Variants in PABPC4L observed in about 807,000 individuals in gnomAD.
PABPC4L encodes polyadenylate-binding protein 4-like.
For missense variants in PABPC4L, 452 were observed against 451.4 expected, an observed-to-expected ratio of 1.00 and a Z score of -0.01; for synonymous variants, 169 against 164.1, an observed-to-expected ratio of 1.03 and a Z score of -0.23.
downstream of PABPC4L, among the ~76,000 whole-genome samples, chr4:134,191,767 A>G (rs552880992): frequency 6.6e-6 from 1 of 152,072 alleles, no homozygotes; most frequent in South Asian, 2.1e-4. Context: ...TATTTATATT[A>G]AAAAAGAGGA....
At chr4:134,037,039 A>G in the PABPC4L span, among the ~76,000 whole-genome samples, 1 of 134,524 alleles carries the variant, frequency 7.4e-6, no homozygotes, top group Admixed American at 7.5e-5. Context: ...CTGGGGGACA[A>G]GAGCAAAACT....
rs1396239519 is a variant in PABPC4L, at chr4:134,200,536, G to A, written c.484C>T (p.Leu162Phe). ...RAIEEMNGKL[L>F]KGCKVFVGRF... ...CCAACAAACACCTTGCAGCCCTTGA[G>A]TAGTTTTCCATTCATCTCCTCAATG... The change falls in exon 2 of 2, where the codon CTC becomes TTC. Residue 162 changes from leucine to phenylalanine, a missense_variant. Transcript: ENST00000421491. 10 of 1,551,602 alleles carry A rather than the reference G, an allele frequency of 6.4e-6. No homozygotes were observed. Among genetic ancestry groups the A allele is most frequent in the Non-Finnish European group, 7.0e-6 (8 of 1,146,978 alleles).
At chr4:134,005,102 A>G in the PABPC4L span, among the ~76,000 whole-genome samples, 1 of 151,920 alleles carries the variant, frequency 6.6e-6, no homozygotes. Flanking sequence ...AGTAGATTTT[A>G]AATAATCTCA....
the PABPC4L span, among the ~76,000 whole-genome samples, chr4:133,968,795 G>A: frequency 1.3e-5 from 2 of 152,258 alleles, no homozygotes; most frequent in Admixed American, 1.3e-4. Context: ...TAAAGACATA[G>A]GTGATTTGAC....
the PABPC4L span, among the ~76,000 whole-genome samples, chr4:133,959,230 A>G: frequency 5.3e-5 from 8 of 152,254 alleles, no homozygotes; most frequent in Admixed American, 4.6e-4. Context: ...AGAGGACACA[A>G]TCTGAAGTTT....
chr4:134,141,861 C>A, the PABPC4L span, among the ~76,000 whole-genome samples: 8 of 151,600 alleles, frequency 5.3e-5, no homozygotes, highest in African/African-American at 1.9e-4. Flanking sequence ...GTACTGCTAA[C>A]TAGGTCTGAT....
At chr4:134,069,882 G>C in the PABPC4L span, among the ~76,000 whole-genome samples, 1 of 151,664 alleles carries the variant, frequency 6.6e-6, no homozygotes, top group South Asian at 2.1e-4. Context: ...TATATGGAGG[G>C]AATAAGACAT....
chr4:134,173,871 A>C, the PABPC4L span, among the ~76,000 whole-genome samples: 1 of 152,086 alleles, frequency 6.6e-6, no homozygotes, highest in African/African-American at 2.4e-5. Context: ...TTAAAAATAA[A>C]ATGTTTTTAT....
At chr4:133,965,379 T>C in the PABPC4L span, among the ~76,000 whole-genome samples, 26,993 of 151,980 alleles carry the variant, frequency 0.18, 3,043 homozygotes, top group Middle Eastern at 0.25. Context: ...AATAGTGTGA[T>C]AATGACCATA....
the PABPC4L span, among the ~76,000 whole-genome samples, chr4:134,013,030 G>C: frequency 6.6e-6 from 1 of 152,202 alleles, no homozygotes; most frequent in East Asian, 1.9e-4. Context: ...TTTCAGGGGT[G>C]TCAGACCACA....
At chr4:133,977,695 G>A in the PABPC4L span, among the ~76,000 whole-genome samples, 1 of 152,020 alleles carries the variant, frequency 6.6e-6, no homozygotes, top group Admixed American at 6.6e-5. Context: ...AATCTTGATG[G>A]ATTTTGTAGA....
chr4:134,014,541 C>T, the PABPC4L span, among the ~76,000 whole-genome samples: 4 of 152,224 alleles, frequency 2.6e-5, no homozygotes, highest in Non-Finnish European at 4.4e-5. Context: ...CACTGGAAAT[C>T]GGACTGTTCA....
chr4:133,975,739 T>C, the PABPC4L span, among the ~76,000 whole-genome samples: 1 of 152,098 alleles, frequency 6.6e-6, no homozygotes, highest in Non-Finnish European at 1.5e-5. Context: ...ACATAGTGAA[T>C]CCACTGTATC....
chr4:134,007,728 G>A, the PABPC4L span, among the ~76,000 whole-genome samples: 1 of 151,382 alleles, frequency 6.6e-6, no homozygotes, highest in Non-Finnish European at 1.5e-5. Context: ...CAACTTTATA[G>A]CATTTTTAAA....
At chr4:133,952,376 T>C in the PABPC4L span, among the ~76,000 whole-genome samples, 1 of 152,072 alleles carries the variant, frequency 6.6e-6, no homozygotes, top group Non-Finnish European at 1.5e-5. Context: ...GTTCATAGGA[T>C]ATTTTACTAA....
the PABPC4L span, among the ~76,000 whole-genome samples, chr4:133,990,390 C>T: frequency 6.6e-6 from 1 of 152,114 alleles, no homozygotes; most frequent in Non-Finnish European, 1.5e-5. Context: ...ATAAATGATG[C>T]TCATTAAGAC....
Position 134,199,930 on chromosome 4 carries a change from T to G in PABPC4L, c.1090A>C (p.Ile364Leu). 6.4e-7 allele frequency: 1 copy of G among 1,551,544 alleles called. No homozygotes were observed. Among genetic ancestry groups the G allele is most frequent in the South Asian group, 1.2e-5 (1 of 84,056 alleles). Reference protein sequence around the residue: ...GRILGSKPLSIALAQRH With the variant: ...GRILGSKPLSLALAQRH ...TCCTAGTGTCTCTGGGCCAAGGCAA[T>G]GCTAAGAGGTTTGGAGCCCAAGATG... The change falls in exon 2 of 2, where the codon ATT becomes CTT. Residue 364 changes from isoleucine to leucine, a missense_variant. Coordinates refer to ENST00000421491, the MANE Select transcript of PABPC4L (RefSeq NM_001114734.2).
the PABPC4L span, among the ~76,000 whole-genome samples, chr4:134,077,950 C>A: frequency 3.3e-5 from 5 of 151,772 alleles, no homozygotes; most frequent in Non-Finnish European, 5.9e-5. Flanking sequence ...GGAAAACCAA[C>A]CACCCCACAA....
At chr4:133,949,083 T>G in the PABPC4L span, among the ~76,000 whole-genome samples, 1 of 152,174 alleles carries the variant, frequency 6.6e-6, no homozygotes, top group Non-Finnish European at 1.5e-5. Flanking sequence ...TGATATAGGA[T>G]TCCATTCTAA....
Sources: gnomAD v4.1 joint callset for allele counts (sites outside exome capture counted in the v4.1 genomes callset) on GRCh38, gnomAD v4.1.1 for gene constraint, MANE v1.5 for transcripts, NCBI Gene and HGNC (gene_info 2026-07-23, HGNC 2026-07-21) for gene names.